Variants in SYNDIG1L observed in about 807,000 individuals in gnomAD.
SYNDIG1L encodes the protein synapse differentiation inducing 1 like.
In SYNDIG1L, 13 loss-of-function variants were observed where a neutral mutation model predicts 20.1. The observed-to-expected ratio is 0.65, with a 90% CI of 0.42 to 1.03. The LOEUF is 1.03. Among genes scored for constraint, SYNDIG1L ranks in the 50% least tolerant of loss-of-function variants. The pLI is 0.00. For missense variants in SYNDIG1L, 294 were observed against 305.1 expected (o/e 0.96, Z 0.27); for synonymous variants, 128 against 129.3 (o/e 0.99, Z 0.07).
the SYNDIG1L span, among the ~76,000 whole-genome samples, chr14:74,454,640 T>C: frequency 2.0e-5 from 3 of 152,194 alleles, no homozygotes; most frequent in East Asian, 1.9e-4. Flanking sequence ...CTGGTCAACA[T>C]AAGTAAACAA....
At chr14:74,430,860 G>C (rs2086297905), upstream of SYNDIG1L, among the ~76,000 whole-genome samples, 1 of 152,138 alleles carries the variant, frequency 6.6e-6, no homozygotes, top group South Asian at 2.1e-4. Context: ...TGAAGCATCT[G>C]CTTTGCCATT....
chr14:74,469,716 G>A, the SYNDIG1L span, among the ~76,000 whole-genome samples: 1 of 152,202 alleles, frequency 6.6e-6, no homozygotes, highest in South Asian at 2.1e-4. Context: ...CACAGACTGA[G>A]CTCAGCACAC....
the SYNDIG1L span, among the ~76,000 whole-genome samples, chr14:74,443,456 G>C: frequency 1.3e-5 from 2 of 152,176 alleles, no homozygotes; most frequent in African/African-American, 4.8e-5. Flanking sequence ...GTGAGACTGA[G>C]AGGAAATAAC....
rs2086078931 is a variant in SYNDIG1L at position 74,406,305 on chromosome 14, T to G, written c.*1230A>C. 2.6e-6 allele frequency: 1 copy of G among 386,512 alleles called. No homozygotes were observed. The highest frequency in any genetic ancestry group is 1.4e-4 in the South Asian group (1 of 6,906). 23.9% of individuals were successfully genotyped at this position (386,512 alleles called of 1,614,324 possible). ...CAGAGATGGGAAAACATCATTGGTC[T>G]TTGAGAGACAGGTGTGACGTTCCTC... On this transcript the variant is annotated 3_prime_UTR_variant, in exon 4 of 4. Transcript: ENST00000331628.
chr14:74,468,321 C>G, the SYNDIG1L span, among the ~76,000 whole-genome samples: 3 of 152,166 alleles, frequency 2.0e-5, no homozygotes, highest in South Asian at 6.2e-4. Context: ...AGGCATTACT[C>G]GTGGCCAGAA....
Position 74,409,403 on chromosome 14 carries a change from A to G in SYNDIG1L, c.342T>C (p.Asn114=), listed in dbSNP as rs2086111862. The change falls in exon 2 of 4, where the codon AAT becomes AAC. Residue 114 remains asparagine (N), a synonymous_variant. Transcript: ENST00000331628. ...QPTGPGQAAE[N]VTIQTVSYGV... ...CATAGGACACAGTCTGGATGGTGAC[A>G]TTCTCTGCAGCTTGGCCAGGTCCTG... 1 of 1,613,380 alleles carries G rather than the reference A, an allele frequency of 6.2e-7. No individual in the cohort carries two copies. The highest frequency in any genetic ancestry group is 8.5e-7 in the Non-Finnish European group (1 of 1,179,772).
intron 1 of SYNDIG1L, among the ~76,000 whole-genome samples, chr14:74,414,147 C>T (rs1043675756): frequency 3.3e-5 from 5 of 152,326 alleles, no homozygotes; most frequent in Middle Eastern, 6.8e-3. Context: ...TTAGTCTTCC[C>T]TGGATGGTGT....
the SYNDIG1L span, among the ~76,000 whole-genome samples, chr14:74,443,279 C>T: frequency 1.3e-5 from 2 of 152,232 alleles, no homozygotes; most frequent in African/African-American, 4.8e-5. Context: ...TTCATGAAAG[C>T]AATTCGTGAA....
intron 1 of SYNDIG1L, among the ~76,000 whole-genome samples, chr14:74,413,992 G>C (rs904493116): frequency 2.0e-5 from 3 of 152,250 alleles, no homozygotes; most frequent in African/African-American, 7.2e-5. Context: ...ACCAGAAGGA[G>C]AGGGTGGCAG....
chr14:74,458,951 G>A, the SYNDIG1L span, among the ~76,000 whole-genome samples: 1 of 152,144 alleles, frequency 6.6e-6, no homozygotes, highest in Non-Finnish European at 1.5e-5. Context: ...CCTGTTTCGT[G>A]TGATGGTGTC....
the SYNDIG1L span, among the ~76,000 whole-genome samples, chr14:74,456,385 C>T: frequency 6.6e-6 from 1 of 152,036 alleles, no homozygotes; most frequent in Admixed American, 6.6e-5. Context: ...AAAAAATTTG[C>T]CGGGCCTGGT....
the SYNDIG1L span, among the ~76,000 whole-genome samples, chr14:74,478,280 ATTTT>A: frequency 6.6e-6 from 1 of 152,182 alleles, no homozygotes; most frequent in East Asian, 1.9e-4. Flanking sequence ...AAGATTAAGA[ATTTT>A]TTTGTCCCTA....
At chr14:74,408,067 G>A (rs902516132) in intron 2 of SYNDIG1L, 78 bp from the exon 3 acceptor site, 2 of 1,494,328 alleles carry the variant, frequency 1.3e-6, no homozygotes, top group Non-Finnish European at 1.8e-6. Context: ...TTTTTAAAAG[G>A]CAATGCCCAG....
In SYNDIG1L at chr14:74,421,282, G is replaced by A. The variant is rs532964551; in HGVS notation, c.-58+4630C>T. Among the ~76,000 whole-genome samples, 7 of 152,064 alleles carry A rather than the reference G, an allele frequency of 4.6e-5. No individual in the cohort carries two copies. The South Asian group carries it at 1.2e-3, about 27-fold the overall frequency. Reference sequence around the variant, plus strand: ...AGTGAAAAGACTGGATAATAGACTAGGCATAGATAAAGTAAGACCTTTCAA... The same window carrying A: ...AGTGAAAAGACTGGATAATAGACTAAGCATAGATAAAGTAAGACCTTTCAA... On this transcript the variant is annotated intron_variant, in intron 1 of 3. Coordinates refer to ENST00000331628, the MANE Select transcript of SYNDIG1L (RefSeq NM_001105579.2).
chr14:74,433,152 T>G, the SYNDIG1L span, among the ~76,000 whole-genome samples: 3 of 152,120 alleles, frequency 2.0e-5, no homozygotes, highest in Admixed American at 2.0e-4. Flanking sequence ...CCTGAGGAGA[T>G]GCTGTGGGGG....
chr14:74,444,076 T>C, the SYNDIG1L span, among the ~76,000 whole-genome samples: 1 of 152,222 alleles, frequency 6.6e-6, no homozygotes. Context: ...TATTTTATTT[T>C]ATTTTTTTTA....
At chr14:74,431,930 G>A in the SYNDIG1L span, among the ~76,000 whole-genome samples, 1 of 152,100 alleles carries the variant, frequency 6.6e-6, no homozygotes, top group African/African-American at 2.4e-5. Context: ...TTTGAAGATT[G>A]CAGCCTAATT....
chr14:74,414,519 ATTCAGGAATCC>A (rs1429024906), intron 1 of SYNDIG1L, among the ~76,000 whole-genome samples: 2 of 152,204 alleles, frequency 1.3e-5, no homozygotes, highest in African/African-American at 4.8e-5. Context: ...GCAGGAAACC[ATTCAGGAATCC>A]GCTGGAGTCA....
At position 74,409,329 on chromosome 14, in the gene SYNDIG1L, T is replaced by A; in HGVS notation, c.416A>T (p.Glu139Val). Residue 139 changes from glutamate (E) to valine (V), a missense_variant and splice_region_variant, in exon 2 of 4, where the codon GAG (glutamate) becomes GTG (valine). Glu to Val is a moderately radical substitution (Grantham distance 121). Transcript: ENST00000331628. ...TGCATTTTAACCTCATGCACTCACC[T>A]CCTCTTCCTCCTGGTCATCCTCCTG... ...RDQEDDQEEE[E>V]SDATSTESES... 1 of 1,542,468 alleles carries A rather than the reference T, an allele frequency of 6.5e-7. No individual in the cohort carries two copies. Among genetic ancestry groups the A allele is most frequent in the Non-Finnish European group, 8.8e-7 (1 of 1,142,656 alleles).
Sources: allele counts gnomAD v4.1 joint callset (sites outside exome capture counted in the v4.1 genomes callset), GRCh38; gene constraint gnomAD v4.1.1; transcripts MANE v1.5; gene names NCBI Gene and HGNC (gene_info 2026-07-23, HGNC 2026-07-21).